The following KLHL13 variants were observed in gnomAD, a reference collection of about 807,000 sequenced individuals.
KLHL13 encodes kelch-like protein 13.
A neutral mutation model predicts 37.1 loss-of-function variants in KLHL13; 10 were observed. The ratio of observed to expected loss-of-function variants is 0.27; its 90% CI spans 0.17 to 0.46. KLHL13 has a LOEUF of 0.46. Ranked by LOEUF, KLHL13 falls within the 20% of genes least tolerant of loss-of-function variation. The pLI, the probability that KLHL13 is intolerant of heterozygous loss-of-function variation, is 1.00. For synonymous variants in KLHL13, 163 were observed against 181.2 expected (o/e 0.90, Z 0.81); for missense variants, 360 against 509.3 (o/e 0.71, Z 2.82).
chrX:118,017,856 A>C (rs1373476191), intron 1 of KLHL13, among the ~76,000 whole-genome samples: 1 of 111,720 alleles, frequency 9.0e-6, no homozygotes, highest in African/African-American at 3.2e-5. Flanking sequence ...ACGATATTTT[A>C]TACTGTGTTT....
At chrX:118,022,780 T>C (rs1317204595) in intron 1 of KLHL13, among the ~76,000 whole-genome samples, 4 of 112,237 alleles carry the variant, frequency 3.6e-5, no homozygotes, top group Admixed American at 9.5e-5. Flanking sequence ...TCCCAATATG[T>C]AGGCTGCCTT....
In KLHL13 at chrX:117,946,741, T is replaced by C. The variant is rs1455573887; in HGVS notation, c.99-1166A>G. 9 of 112,540 alleles carry C rather than the reference T, an allele frequency of 8.0e-5. No individual in the cohort carries two copies. The Admixed American group carries it at 8.5e-4, about 11-fold the overall frequency. 9.3% of individuals were successfully genotyped at this position (112,540 alleles called of 1,213,427 possible). A position where few individuals can be genotyped will look rare whatever the true frequency, so the allele number is the denominator to read the frequency against. On this transcript the variant is annotated intron_variant, in intron 1 of 6. Coordinates refer to ENST00000262820, the Ensembl canonical transcript of KLHL13. ...TTTGAATTATTTGCTTTTCTAACTGTCTAACTGAGCTATCCAATATCAGAA... is the reference window on the plus strand; with the variant it reads ...TTTGAATTATTTGCTTTTCTAACTGCCTAACTGAGCTATCCAATATCAGAA...
intron 1 of KLHL13, among the ~76,000 whole-genome samples, chrX:117,951,642 G>A (rs1034163716): frequency 1.8e-5 from 2 of 111,458 alleles, no homozygotes; most frequent in African/African-American, 6.5e-5. Flanking sequence ...AGAAGCTATT[G>A]CACAGGCTAT....
intron 1 of KLHL13, among the ~76,000 whole-genome samples, chrX:117,956,571 T>C (rs1366855534): frequency 8.9e-6 from 1 of 112,280 alleles, no homozygotes; most frequent in Non-Finnish European, 1.9e-5. Context: ...AATTATGAAG[T>C]AGTAATGAAG....
intron 1 of KLHL13, among the ~76,000 whole-genome samples, chrX:117,971,257 C>A (rs1464060255): frequency 9.0e-6 from 1 of 111,093 alleles, no homozygotes; most frequent in African/African-American, 3.3e-5. Flanking sequence ...ATAATTGTAA[C>A]CTGATTTTAG....
chrX:117,909,945 G>A (rs1168595131), exon 5 of KLHL13: 2 of 1,211,518 alleles, frequency 1.7e-6, no homozygotes, highest in Admixed American at 4.3e-5. Context: ...AAGCACGAAG[G>A]CAAGACGCTC....
intron 1 of KLHL13, among the ~76,000 whole-genome samples, chrX:118,063,230 T>C (rs1200053223): frequency 3.6e-5 from 4 of 111,562 alleles, no homozygotes; most frequent in Non-Finnish European, 3.8e-5. Flanking sequence ...TGTACATCAA[T>C]GAACCTGTAT....
At chrX:118,014,128 G>A (rs917097048) in intron 1 of KLHL13, among the ~76,000 whole-genome samples, 6 of 111,998 alleles carry the variant, frequency 5.4e-5, no homozygotes, top group African/African-American at 1.6e-4. Flanking sequence ...TAACCATGAG[G>A]CCTGACTGCC....
Position 117,901,482 on chromosome X carries a change from T to A in KLHL13, c.1480+351A>T, listed in dbSNP as rs757804041. ...AATAGTTTCTAAAATCAACATAAAT[T>A]ATATTTTGATTCTCCGTTTTTCTGG... On this transcript the variant is annotated intron_variant, in intron 6 of 6. Transcript: ENST00000262820. Among the ~76,000 whole-genome samples, 7 of 110,300 alleles carry A rather than the reference T, an allele frequency of 6.3e-5. No individual in the cohort carries two copies. The East Asian group carries it at 2.0e-3, about 31-fold the overall frequency.
At chrX:118,074,665 A>G (rs951156497) in intron 1 of KLHL13, among the ~76,000 whole-genome samples, 15 of 111,928 alleles carry the variant, frequency 1.3e-4, no homozygotes, top group Non-Finnish European at 2.8e-4. Flanking sequence ...CTCTGTGCCC[A>G]TAATTATTAT....
chrX:118,110,974 GCCA>G (rs1344520707), intron 1 of KLHL13, among the ~76,000 whole-genome samples: 7 of 112,065 alleles, frequency 6.2e-5, no homozygotes, highest in African/African-American at 2.3e-4. Context: ...GAACCACACA[GCCA>G]GTCCTCTATT....
chrX:118,061,994 T>A (rs1052953973), intron 1 of KLHL13, among the ~76,000 whole-genome samples: 1 of 111,354 alleles, frequency 9.0e-6, no homozygotes, highest in Admixed American at 9.6e-5. Flanking sequence ...AGACATCTAC[T>A]GCCCCATCTT....
chrX:117,899,749 A>G (rs1929970017), intron 6 of KLHL13, among the ~76,000 whole-genome samples: 1 of 112,197 alleles, frequency 8.9e-6, no homozygotes, highest in Non-Finnish European at 1.9e-5. Context: ...AGCATCATTC[A>G]CTACTTACTG....
Position 118,106,167 on chromosome X carries a change from G to A in KLHL13, c.-56+10341C>T, listed in dbSNP as rs189917025. On this transcript the variant is annotated intron_variant, in intron 1 of 6. Coordinates refer to the KLHL13 transcript ENST00000371882. ...CCGCTTTGGCCTCCCAAAGTGCTGGGATTACAGGCATGAGCCACCGCGCCC... is the reference window on the plus strand; with the variant it reads ...CCGCTTTGGCCTCCCAAAGTGCTGGAATTACAGGCATGAGCCACCGCGCCC... Among the ~76,000 whole-genome samples, 933 of 108,176 alleles carry A rather than the reference G, an allele frequency of 8.6e-3. 8 individuals are homozygous for A. The highest frequency in any genetic ancestry group is 0.013 in the Non-Finnish European group (662 of 52,197). 93.9% of individuals were successfully genotyped at this position (108,176 alleles called of 115,157 possible).
intron 1 of KLHL13, among the ~76,000 whole-genome samples, chrX:118,089,640 AAG>A (rs1380835721): frequency 1.0e-5 from 1 of 99,817 alleles, no homozygotes; most frequent in African/African-American, 4.2e-5. Context: ...GAAAGAAAGA[AAG>A]AAAGAAAGAA....
rs186327101 is a variant in KLHL13 at position 118,068,178 on chromosome X, C to T, written c.-56+48330G>A. Among the ~76,000 whole-genome samples the T allele has an allele frequency of 2.8e-3, 309 of 111,288 alleles. 5 individuals carry two copies. The highest frequency in any genetic ancestry group is 0.025 in the Admixed American group (262 of 10,405). ...GTTATGTGACACATGACTATAATAT[C>T]GCATTCTTATTTACACATCTCTGCA... On this transcript the variant is annotated intron_variant, in intron 1 of 6. Coordinates refer to the KLHL13 transcript ENST00000371882.
chrX:118,037,510 C>T (rs1199543391), intron 1 of KLHL13, among the ~76,000 whole-genome samples: 3 of 102,989 alleles, frequency 2.9e-5, no homozygotes, highest in South Asian at 4.8e-4. Context: ...AACCAAACAC[C>T]GCTTATTCTC....
intron 4 of KLHL13, among the ~76,000 whole-genome samples, chrX:117,916,177 A>AC (rs1417316040): frequency 2.2e-5 from 2 of 91,466 alleles, no homozygotes; most frequent in African/African-American, 4.0e-5. Context: ...AAACAAACAA[A>AC]CAAAAAAAAA....
intron 1 of KLHL13, among the ~76,000 whole-genome samples, chrX:118,076,144 C>T (rs1421704681): frequency 9.0e-6 from 1 of 111,387 alleles, no homozygotes; most frequent in African/African-American, 3.3e-5. Context: ...TCTATTTCTT[C>T]TTCCTTAATA....
Sources: gnomAD v4.1 joint callset for allele counts (sites outside exome capture counted in the v4.1 genomes callset) on GRCh38, gnomAD v4.1.1 for gene constraint, MANE v1.5 for transcripts, NCBI Gene and HGNC (gene_info 2026-07-23, HGNC 2026-07-21) for gene names.